PPP3CA: variants seen among roughly 807,000 people sequenced by gnomAD.
The protein encoded by PPP3CA is CAM-PRP catalytic subunit.
A neutral mutation model predicts 66.5 loss-of-function variants in PPP3CA; 14 were observed. That is an observed-to-expected ratio of 0.21 (90% CI 0.14 to 0.33). PPP3CA has a LOEUF of 0.33. PPP3CA is among the 10% of genes least tolerant of loss of function. The pLI, the probability that PPP3CA is intolerant of heterozygous loss-of-function variation, is 1.00. For missense variants in PPP3CA, 317 were observed against 639.5 expected (o/e 0.50, Z 5.44); for synonymous variants, 232 against 226.2 (o/e 1.03, Z -0.23).
At chr4:101,058,509 A>G (rs1337763064) in intron 10 of PPP3CA, among the ~76,000 whole-genome samples, 1 of 152,094 alleles carries the variant, frequency 6.6e-6, no homozygotes, top group Non-Finnish European at 1.5e-5. Flanking sequence ...CTGACTTAAA[A>G]CTTAAAGAGT....
rs34765642 is a variant in PPP3CA, at chr4:101,295,406, G to T, written c.58+51333C>A. Among the ~76,000 whole-genome samples, 350 of 151,600 alleles carry T rather than the reference G, an allele frequency of 2.3e-3. 1 individual carries two copies. The highest frequency in any genetic ancestry group is 8.0e-3 in the African/African-American group (332 of 41,302). On this transcript the variant is annotated intron_variant, in intron 1 of 13. Coordinates refer to ENST00000394854, the MANE Select transcript of PPP3CA (RefSeq NM_000944.5). ...TCAGGCAAATGAGTTTTATCAAAAC[G>T]GTCATCTATTTTCTATTTTGTACAT...
chr4:101,060,197 C>T (rs1025409368), intron 10 of PPP3CA, among the ~76,000 whole-genome samples: 1 of 151,984 alleles, frequency 6.6e-6, no homozygotes, highest in Non-Finnish European at 1.5e-5. Context: ...AAGATTTCCT[C>T]CCACTTTAGC....
At chr4:101,345,983 G>A (rs1729972020) in intron 1 of PPP3CA, among the ~76,000 whole-genome samples, 1 of 152,176 alleles carries the variant, frequency 6.6e-6, no homozygotes, top group South Asian at 2.1e-4. Flanking sequence ...TGGAGAAGTG[G>A]TTTTCGTGTC....
intron 1 of PPP3CA, among the ~76,000 whole-genome samples, chr4:101,309,305 A>G (rs756271437): frequency 1.3e-5 from 2 of 152,198 alleles, no homozygotes; most frequent in Non-Finnish European, 1.5e-5. Context: ...TCCAGTTACA[A>G]GGGGCTTTAT....
intron 2 of PPP3CA, among the ~76,000 whole-genome samples, chr4:101,121,652 G>A (rs7438333): frequency 0.38 from 57,869 of 151,834 alleles, 11,642 homozygotes; most frequent in South Asian, 0.48. Flanking sequence ...AGTACCTGCT[G>A]TGCCATAGGT....
At chr4:101,268,160 A>G (rs1727226807) in intron 1 of PPP3CA, among the ~76,000 whole-genome samples, 1 of 152,062 alleles carries the variant, frequency 6.6e-6, no homozygotes, top group African/African-American at 2.4e-5. Context: ...GAACATAGAG[A>G]GATCCACTCT....
intron 1 of PPP3CA, among the ~76,000 whole-genome samples, chr4:101,208,573 T>C (rs905715358): frequency 6.6e-6 from 1 of 152,230 alleles, no homozygotes; most frequent in Non-Finnish European, 1.5e-5. Context: ...ATGGTATACA[T>C]TCCACATTTC....
chr4:101,170,270 GA>G (rs33919153), intron 2 of PPP3CA, among the ~76,000 whole-genome samples: 73,507 of 149,582 alleles, frequency 0.49, 19,271 homozygotes, highest in Middle Eastern at 0.64. Flanking sequence ...ACATAGAAAA[GA>G]AAAAAAAAAC....
intron 1 of PPP3CA, among the ~76,000 whole-genome samples, chr4:101,307,177 A>AC: frequency 6.6e-6 from 1 of 152,194 alleles, no homozygotes; most frequent in Middle Eastern, 3.4e-3. Context: ...CCAAAAAAAA[A>AC]AAAAAAAAAC....
intron 12 of PPP3CA, among the ~76,000 whole-genome samples, chr4:101,031,267 A>C (rs944468162): frequency 2.0e-5 from 3 of 152,154 alleles, no homozygotes; most frequent in African/African-American, 7.2e-5. Flanking sequence ...AGAAAAGAAA[A>C]TACAAAAAAG....
chr4:101,176,931 A>G (rs1724079956), intron 2 of PPP3CA, among the ~76,000 whole-genome samples: 1 of 152,172 alleles, frequency 6.6e-6, no homozygotes, highest in Non-Finnish European at 1.5e-5. Flanking sequence ...TAGCCACAAC[A>G]TTATTCAAAT....
At chr4:101,137,093 T>C (rs1722647825) in intron 2 of PPP3CA, among the ~76,000 whole-genome samples, 2 of 152,106 alleles carry the variant, frequency 1.3e-5, no homozygotes, top group African/African-American at 4.8e-5. Flanking sequence ...TATATTGTTG[T>C]TTGATTAGTA....
intron 8 of PPP3CA, among the ~76,000 whole-genome samples, chr4:101,073,855 A>G (rs559554636): frequency 2.0e-5 from 3 of 152,336 alleles, no homozygotes; most frequent in African/African-American, 7.2e-5. Flanking sequence ...GCCTACAATT[A>G]CTAGAAAGTA....
intron 1 of PPP3CA, among the ~76,000 whole-genome samples, chr4:101,205,656 T>A (rs1260488632): frequency 1.3e-5 from 2 of 152,178 alleles, no homozygotes; most frequent in Non-Finnish European, 2.9e-5. Context: ...CATGCCCACA[T>A]GCCCACCTAC....
At chr4:101,109,582 A>G (rs1721595404) in intron 2 of PPP3CA, among the ~76,000 whole-genome samples, 1 of 151,690 alleles carries the variant, frequency 6.6e-6, no homozygotes, top group Non-Finnish European at 1.5e-5. Context: ...GATATGTATC[A>G]TAAAACCTGC....
At chr4:101,344,578 A>T (rs879291264) in intron 1 of PPP3CA, among the ~76,000 whole-genome samples, 12 of 152,206 alleles carry the variant, frequency 7.9e-5, no homozygotes, top group Non-Finnish European at 1.6e-4. Flanking sequence ...TGTGAATAAA[A>T]TTTTTTAAAT....
chr4:101,043,007 T>G (rs1356517283), intron 10 of PPP3CA, among the ~76,000 whole-genome samples: 2 of 152,082 alleles, frequency 1.3e-5, no homozygotes, highest in Non-Finnish European at 1.5e-5. Flanking sequence ...GGGAAAATAT[T>G]CTGGCTCTCT....
At chr4:101,127,251 G>C (rs1722273174) in intron 2 of PPP3CA, among the ~76,000 whole-genome samples, 2 of 151,752 alleles carry the variant, frequency 1.3e-5, no homozygotes, top group Admixed American at 1.3e-4. Flanking sequence ...GAATGTCTCT[G>C]TTCTAGATAT....
chr4:101,029,699 G>A (rs1726850236), intron 12 of PPP3CA, among the ~76,000 whole-genome samples: 1 of 151,542 alleles, frequency 6.6e-6, no homozygotes, highest in Non-Finnish European at 1.5e-5. Flanking sequence ...ATTTCCTGAT[G>A]TGATGGAAAA....
Sources: allele counts gnomAD v4.1 joint callset (sites outside exome capture counted in the v4.1 genomes callset), GRCh38; gene constraint gnomAD v4.1.1; transcripts MANE v1.5; gene names NCBI Gene and HGNC (gene_info 2026-07-23, HGNC 2026-07-21).